Variants in TENM1 observed in about 807,000 individuals in gnomAD.
TENM1 encodes teneurin-1.
In TENM1, 35 loss-of-function variants were observed where a neutral mutation model predicts 174.8. The observed-to-expected ratio is 0.20, with a 90% CI of 0.15 to 0.27. TENM1 has a LOEUF of 0.27. TENM1 is among the 10% of genes least tolerant of loss of function. TENM1 has a pLI of 1.00. For synonymous variants in TENM1, 781 were observed against 798.7 expected (o/e 0.98, Z 0.37); for missense variants, 1,633 against 2,130.1 (o/e 0.77, Z 4.59).
intron 3 of TENM1, among the ~76,000 whole-genome samples, chrX:124,860,888 T>G (rs1011486159): frequency 5.4e-5 from 6 of 111,596 alleles, no homozygotes; most frequent in Non-Finnish European, 7.5e-5. Context: ...CCTGCCCAAT[T>G]TAGCAGACTC....
chrX:124,669,834 G>A (rs897917792), intron 6 of TENM1, among the ~76,000 whole-genome samples: 3 of 112,020 alleles, frequency 2.7e-5, no homozygotes, highest in Non-Finnish European at 5.6e-5. Flanking sequence ...TAAAAATAGA[G>A]GTGAGTAGAA....
intron 3 of TENM1, among the ~76,000 whole-genome samples, chrX:124,800,374 T>G (rs1454015898): frequency 9.0e-6 from 1 of 111,647 alleles, no homozygotes; most frequent in East Asian, 2.8e-4. Flanking sequence ...TTATAAATTT[T>G]CTAGCTTATT....
At chrX:124,621,442 C>T (rs2050517265) in intron 11 of TENM1, among the ~76,000 whole-genome samples, 1 of 111,932 alleles carries the variant, frequency 8.9e-6, no homozygotes, top group African/African-American at 3.3e-5. Flanking sequence ...CACTGCATTC[C>T]AGCCTGGGTG....
rs73554468 is a variant in TENM1, at chrX:124,615,242, T to C, written c.2077+26549A>G. Among the ~76,000 whole-genome samples, 111 of 112,394 alleles carry C rather than the reference T, an allele frequency of 9.9e-4. 1 individual carries two copies. Among genetic ancestry groups the C allele is most frequent in the African/African-American group, 3.4e-3 (106 of 30,965 alleles). On this transcript the variant is annotated intron_variant, in intron 11 of 31. Coordinates refer to ENST00000422452, the Ensembl canonical transcript of TENM1. ...CATCACAGGTGTTCCTGTATGAAAGTGTCTTGGCTTCAAACCCTGAGTTAA... is the reference window on the plus strand; with the variant it reads ...CATCACAGGTGTTCCTGTATGAAAGCGTCTTGGCTTCAAACCCTGAGTTAA...
intron 22 of TENM1, among the ~76,000 whole-genome samples, chrX:124,475,157 T>A (rs1428396813): frequency 4.5e-5 from 5 of 110,460 alleles, no homozygotes; most frequent in African/African-American, 1.6e-4. Flanking sequence ...GCAGAACAGA[T>A]CCACTTCTCA....
the TENM1 span, among the ~76,000 whole-genome samples, chrX:124,986,395 G>A: frequency 9.0e-6 from 1 of 111,456 alleles, no homozygotes; most frequent in Non-Finnish European, 1.9e-5. Context: ...CATGAAGGCC[G>A]CTATCCTAAG....
chrX:124,418,419 A>G (rs1446507951), intron 25 of TENM1, among the ~76,000 whole-genome samples: 1 of 106,854 alleles, frequency 9.4e-6, no homozygotes, highest in Non-Finnish European at 1.9e-5. Flanking sequence ...TGCAAAAGTC[A>G]CCTTCTTTCT....
At chrX:124,661,722 G>T (rs928367298) in intron 6 of TENM1, among the ~76,000 whole-genome samples, 1 of 111,458 alleles carries the variant, frequency 9.0e-6, no homozygotes, top group Non-Finnish European at 1.9e-5. Context: ...TACTCATTGG[G>T]CATTTAATAA....
At chrX:124,634,530 T>G (rs1046944555) in intron 11 of TENM1, among the ~76,000 whole-genome samples, 1 of 111,274 alleles carries the variant, frequency 9.0e-6, no homozygotes, top group Non-Finnish European at 1.9e-5. Flanking sequence ...GTAGTTATCC[T>G]CATGGTGTTT....
chrX:124,821,154 T>C (rs1346602109), intron 3 of TENM1, among the ~76,000 whole-genome samples: 8 of 112,585 alleles, frequency 7.1e-5, no homozygotes, highest in Non-Finnish European at 9.4e-5. Flanking sequence ...CTTGTACTTA[T>C]CATTTAGTTG....
intron 1 of TENM1, 137 bp downstream of exon 4, chrX:124,963,399 GA>G (rs1458826943): frequency 6.5e-5 from 34 of 521,641 alleles, no homozygotes; most frequent in Non-Finnish European, 1.0e-4. Flanking sequence ...ATATGCAATA[GA>G]TTCTCTGAGC....
chrX:125,101,706 T>C, the TENM1 span, among the ~76,000 whole-genome samples: 1 of 112,255 alleles, frequency 8.9e-6, no homozygotes, highest in Admixed American at 9.4e-5. Context: ...GGTTCGCTAC[T>C]ACATGGGTCA....
At chrX:124,532,483 T>C (rs761694089) in intron 15 of TENM1, among the ~76,000 whole-genome samples, 4 of 111,799 alleles carry the variant, frequency 3.6e-5, no homozygotes, top group Non-Finnish European at 1.9e-5. Context: ...CTGTATCTCG[T>C]TCTGAGTAGA....
At chrX:124,993,220 T>C in the TENM1 span, among the ~76,000 whole-genome samples, 1 of 111,705 alleles carries the variant, frequency 9.0e-6, no homozygotes, top group African/African-American at 3.2e-5. Flanking sequence ...TATCTTTGGC[T>C]TTAAAGCTTA....
intron 11 of TENM1, among the ~76,000 whole-genome samples, chrX:124,610,502 G>A (rs1203727773): frequency 9.0e-6 from 1 of 111,660 alleles, no homozygotes; most frequent in Non-Finnish European, 1.9e-5. Context: ...AGTTTGCAAA[G>A]TGTATTGTCA....
chrX:125,101,998 A>T, the TENM1 span, among the ~76,000 whole-genome samples: 1 of 111,857 alleles, frequency 8.9e-6, no homozygotes, highest in Non-Finnish European at 1.9e-5. Flanking sequence ...CCAAAGAAAA[A>T]AGAGTGGGGA....
At chrX:124,587,876 G>A (rs201745684) in intron 11 of TENM1, among the ~76,000 whole-genome samples, 7,829 of 111,187 alleles carry the variant, frequency 0.07, 532 homozygotes, top group East Asian at 0.54. Flanking sequence ...AAAAGTGGGC[G>A]AAGGACATGA....
At chrX:125,021,980 T>C in the TENM1 span, among the ~76,000 whole-genome samples, 1 of 112,246 alleles carries the variant, frequency 8.9e-6, no homozygotes, top group Non-Finnish European at 1.9e-5. Context: ...TGATGACAAA[T>C]ATGGTACTAA....
intron 3 of TENM1, among the ~76,000 whole-genome samples, chrX:124,887,777 A>G (rs2057414099): frequency 9.0e-6 from 1 of 111,169 alleles, no homozygotes; most frequent in Non-Finnish European, 1.9e-5. Flanking sequence ...TGTCTCACAC[A>G]CGCCTAATGG....
Sources: gnomAD v4.1 joint callset for allele counts (sites outside exome capture counted in the v4.1 genomes callset) on GRCh38, gnomAD v4.1.1 for gene constraint, MANE v1.5 for transcripts, NCBI Gene and HGNC (gene_info 2026-07-23, HGNC 2026-07-21) for gene names.